EDA: variants seen among roughly 807,000 people sequenced by gnomAD.
The protein encoded by EDA is ectodysplasin A, also known as ectodysplasin-A.
EDA carries 2 observed loss-of-function variants against 23.6 expected under a neutral mutation model. The observed-to-expected ratio is 0.08, with a 90% CI of 0.03 to 0.27. The LOEUF is 0.27. EDA is among the 10% of genes least tolerant of loss of function. The probability of loss-of-function intolerance (pLI) is 1.00; values close to 1 mark genes in which losing one functional copy is unlikely to be tolerated. For missense variants in EDA, 229 were observed against 324.2 expected (o/e 0.71, Z 2.26); for synonymous variants, 131 against 132.0 (o/e 0.99, Z 0.05).
chrX:69,619,340 G>A (rs1470672768), intron 1 of EDA, among the ~76,000 whole-genome samples: 1 of 112,012 alleles, frequency 8.9e-6, no homozygotes, highest in Non-Finnish European at 1.9e-5. Context: ...GACACTTCAT[G>A]CAGGTAGGCA....
intron 1 of EDA, among the ~76,000 whole-genome samples, chrX:69,634,984 C>T (rs1432453753): frequency 1.8e-5 from 2 of 111,947 alleles, no homozygotes; most frequent in Non-Finnish European, 3.8e-5. Flanking sequence ...ATATTATGTA[C>T]AGTGTTCAGT....
At chrX:70,023,709 A>G (rs2020072547) in intron 3 of EDA, among the ~76,000 whole-genome samples, 1 of 110,105 alleles carries the variant, frequency 9.1e-6, no homozygotes, top group African/African-American at 3.3e-5. Context: ...GTCACCATGT[A>G]GGAACTAGAT....
rs748287455 is a variant in EDA at position 70,022,917 on chromosome X, G to A, written c.503-301G>A. On this transcript the variant is annotated intron_variant, in intron 2 of 7. Transcript: ENST00000374552. ...TGGAATGCTGTCCTAAGGTTGTTGA[G>A]TTGTGCATTTCTGGGCATTTCATCT... is the stretch of plus-strand genomic sequence containing the variant. 2.4e-4 allele frequency: 43 copies of A among 182,241 alleles called. No homozygotes were observed. In the South Asian group the frequency reaches 8.0e-3, roughly 34 times the overall value. The allele number at this position is 182,241 out of a possible 1,213,427, so 15.0% of individuals were successfully genotyped here.
intron 1 of EDA, among the ~76,000 whole-genome samples, chrX:69,751,905 G>A (rs1321919489): frequency 9.1e-6 from 1 of 109,459 alleles, no homozygotes; most frequent in African/African-American, 3.4e-5. Flanking sequence ...AGGAATGCTT[G>A]TGGCTTTTGC....
chrX:69,643,775 A>G (rs1248117728), intron 1 of EDA, among the ~76,000 whole-genome samples: 2 of 111,448 alleles, frequency 1.8e-5, no homozygotes, highest in Non-Finnish European at 3.8e-5. Context: ...ATCCTGAGTT[A>G]TTTTTTGTAT....
chrX:69,998,471 G>GACTT (rs2019693080), intron 2 of EDA, among the ~76,000 whole-genome samples: 1 of 112,219 alleles, frequency 8.9e-6, no homozygotes, highest in South Asian at 3.7e-4. Context: ...AGGCAGAAGG[G>GACTT]ACTTGCCTTG....
At chrX:70,027,226 G>T (rs1035399916) in intron 3 of EDA, among the ~76,000 whole-genome samples, 18 of 111,683 alleles carry the variant, frequency 1.6e-4, no homozygotes, top group African/African-American at 5.5e-4. Flanking sequence ...TTCAGCATTT[G>T]GTCCCTACCC....
chrX:69,869,074 C>T (rs1432970407), intron 1 of EDA, among the ~76,000 whole-genome samples: 2 of 111,843 alleles, frequency 1.8e-5, no homozygotes, highest in South Asian at 3.8e-4. Context: ...ATTTACTATT[C>T]GTCTAGGTAG....
rs186369104 is a variant in EDA, at chrX:69,684,775, G to A, written c.396+68071G>A. Among the ~76,000 whole-genome samples, 141 of 112,525 alleles carry A rather than the reference G, an allele frequency of 1.3e-3. 1 individual carries two copies. The highest frequency in any genetic ancestry group is 2.1e-3 in the Non-Finnish European group (110 of 53,266). ...ACAGATGTTGACTGATTGAAATGCTGTATGCTCAATCATGTTAGTGTTTAT... is the reference window on the plus strand; with the variant it reads ...ACAGATGTTGACTGATTGAAATGCTATATGCTCAATCATGTTAGTGTTTAT... On this transcript the variant is annotated intron_variant, in intron 1 of 7. Coordinates refer to ENST00000374552, the MANE Select transcript of EDA (RefSeq NM_001399.5).
intron 2 of EDA, among the ~76,000 whole-genome samples, chrX:69,969,574 T>C (rs2019220222): frequency 8.9e-6 from 1 of 112,371 alleles, no homozygotes; most frequent in African/African-American, 3.2e-5. Flanking sequence ...ACTATGTTAT[T>C]TTTATACATC....
intron 1 of EDA, chrX:69,693,049 G>A (rs1282766682): frequency 8.9e-6 from 1 of 111,852 alleles, no homozygotes; most frequent in Non-Finnish European, 1.9e-5. Flanking sequence ...TCTCCCAAGT[G>A]TAAAGCTGCC....
chrX:69,617,709 A>G (rs760338090), intron 1 of EDA: 1 of 349,325 alleles, frequency 2.9e-6, no homozygotes. Context: ...GCTAAAGAAT[A>G]ATAATAAAAT....
Position 70,036,742 on chromosome X carries a change from G to A in EDA, c.*1133G>A, listed in dbSNP as rs1373461918. The A allele has an allele frequency of 3.6e-5, 4 of 112,451 alleles. No individual in the cohort carries two copies. The highest frequency in any genetic ancestry group is 1.3e-4 in the African/African-American group (4 of 30,925). The allele number at this position is 112,451 out of a possible 1,213,427, so 9.3% of individuals were successfully genotyped here. On this transcript the variant is annotated 3_prime_UTR_variant, in exon 8 of 8. Coordinates refer to ENST00000374552, the MANE Select transcript of EDA (RefSeq NM_001399.5). ...TAGCAAGGCAGAGCCTTTTTACCTG[G>A]CCTAGAAAGGGCAAGGGGTGAGGAT... is the stretch of plus-strand genomic sequence containing the variant.
At chrX:69,707,219 C>T (rs573968843) in intron 1 of EDA, among the ~76,000 whole-genome samples, 1 of 111,996 alleles carries the variant, frequency 8.9e-6, no homozygotes, top group South Asian at 3.8e-4. Context: ...AGAACTAATT[C>T]TTACAAATAT....
At chrX:70,032,386 A>G (rs762729048) in intron 6 of EDA, among the ~76,000 whole-genome samples, 2 of 111,361 alleles carry the variant, frequency 1.8e-5, no homozygotes, top group South Asian at 7.6e-4. Context: ...CCTCAAGGAA[A>G]GATGGTCACC....
intron 1 of EDA, among the ~76,000 whole-genome samples, chrX:69,941,704 A>T (rs1190873146): frequency 9.0e-6 from 1 of 111,109 alleles, no homozygotes; most frequent in African/African-American, 3.3e-5. Context: ...GCAACAGATC[A>T]TTGGGTCTTG....
intron 1 of EDA, among the ~76,000 whole-genome samples, chrX:69,943,572 C>T (rs1466402413): frequency 7.2e-5 from 8 of 111,297 alleles, no homozygotes; most frequent in African/African-American, 1.6e-4. Flanking sequence ...AGAGGGGTGA[C>T]ACAAAGCACC....
chrX:69,621,942 A>G lies in EDA; in HGVS notation c.396+5238A>G, dbSNP rs769955775. 5.3e-4 allele frequency among the ~76,000 whole-genome samples: 59 copies of G among 110,778 alleles called. No individual in the cohort carries two copies. In the South Asian group the frequency reaches 0.012, roughly 23 times the overall value. On this transcript the variant is annotated intron_variant, in intron 1 of 7. Transcript: ENST00000374552. ...ATAGGCTCATTTTTAATTTTTTTAT[A>G]GAGACAGGATCTCTCTATGTTGCCC...
chrX:69,761,054 G>C (rs1159382913), intron 1 of EDA, among the ~76,000 whole-genome samples: 1 of 110,709 alleles, frequency 9.0e-6, no homozygotes, highest in Non-Finnish European at 1.9e-5. Flanking sequence ...CTAGATGCAG[G>C]AACAAGTTAG....
Sources: allele counts gnomAD v4.1 joint callset (sites outside exome capture counted in the v4.1 genomes callset), GRCh38; gene constraint gnomAD v4.1.1; transcripts MANE v1.5; gene names NCBI Gene and HGNC (gene_info 2026-07-23, HGNC 2026-07-21).